The following IFT74 variants were observed in gnomAD, a reference collection of about 807,000 sequenced individuals.
IFT74 encodes the protein intraflagellar transport protein 74 homolog.
IFT74 carries 92 observed loss-of-function variants against 96.7 expected under a neutral mutation model. The observed-to-expected ratio is 0.95, with a 90% confidence interval of 0.80 to 1.13. IFT74 has a LOEUF of 1.13. IFT74 is among the 50% of genes most tolerant of loss of function. The probability of loss-of-function intolerance (pLI) is 0.00; values close to 1 mark genes in which losing one functional copy is unlikely to be tolerated. For synonymous variants in IFT74, 223 were observed against 213.2 expected, an observed-to-expected ratio of 1.05 and a Z score of -0.40; for missense variants, 811 against 698.2, an observed-to-expected ratio of 1.16 and a Z score of -1.82.
At chr9:26,977,850 C>A (rs1443929041) in intron 2 of IFT74, among the ~76,000 whole-genome samples, 1 of 152,028 alleles carries the variant, frequency 6.6e-6, no homozygotes, top group African/African-American at 2.4e-5. Flanking sequence ...ACATTTAACT[C>A]CTTTCCAGTT....
chr9:26,955,447 C>T (rs1453886777), upstream of IFT74, among the ~76,000 whole-genome samples: 1 of 152,146 alleles, frequency 6.6e-6, no homozygotes, highest in Non-Finnish European at 1.5e-5. Flanking sequence ...AGCAATAATA[C>T]TCATGTCCCA....
chr9:27,032,758 C>T (rs1563989928), intron 13 of IFT74, among the ~76,000 whole-genome samples: 1 of 151,786 alleles, frequency 6.6e-6, no homozygotes, highest in Non-Finnish European at 1.5e-5. Flanking sequence ...CCCAGCTACT[C>T]AGGAGGCTGA....
At chr9:26,976,004 A>G (rs1448793216) in intron 2 of IFT74, among the ~76,000 whole-genome samples, 1 of 152,214 alleles carries the variant, frequency 6.6e-6, no homozygotes, top group African/African-American at 2.4e-5. Context: ...TTATCCTCCA[A>G]GATACCCTGA....
chr9:26,972,991 C>T (rs1407814819), intron 2 of IFT74, among the ~76,000 whole-genome samples: 5 of 152,114 alleles, frequency 3.3e-5, no homozygotes, highest in African/African-American at 9.7e-5. Flanking sequence ...TTCTGATACT[C>T]GTTCTAGAAT....
chr9:27,053,304 G>A (rs1051901000), intron 16 of IFT74, among the ~76,000 whole-genome samples: 3 of 151,794 alleles, frequency 2.0e-5, no homozygotes, highest in Non-Finnish European at 4.4e-5. Flanking sequence ...AAAATTTCAG[G>A]GGAGGGAGGT....
chr9:27,018,022 A>G (rs12337896), intron 11 of IFT74, among the ~76,000 whole-genome samples: 48,742 of 152,012 alleles, frequency 0.32, 9,216 homozygotes, highest in East Asian at 0.71. Flanking sequence ...AATCATTTCA[A>G]AAAGGTATTA....
chr9:26,952,397 C>T (rs1184825584), upstream of IFT74, among the ~76,000 whole-genome samples: 1 of 151,934 alleles, frequency 6.6e-6, no homozygotes, highest in Non-Finnish European at 1.5e-5. Context: ...CTGCTTCAGC[C>T]TCCCGAGTAG....
At position 26,984,510 on chromosome 9, in the gene IFT74, T is replaced by C. The variant is rs1018874561; in HGVS notation, c.416T>C (p.Leu139Ser). ...TTTTATGCTTTCAGGGCTGAGACTT[T>C]AGCTGTTGAGATAAAAGAGCTTCAA... is the stretch of plus-strand genomic sequence containing the variant. ...YLSYEKRAET[L>S]AVEIKELQGQ... Residue 139 changes from leucine to serine, a missense_variant, in exon 6 of 20, where the codon TTA (leucine) becomes TCA (serine). Leu to Ser is a moderately radical substitution (Grantham distance 145). Coordinates refer to ENST00000380062, the MANE Select transcript of IFT74 (RefSeq NM_025103.4). The C allele has an allele frequency of 3.1e-6, 5 of 1,612,254 alleles. No homozygotes were observed. The Admixed American group carries it at 8.3e-5, about 27-fold the overall frequency.
rs769485039 is a variant in IFT74 at position 26,978,262 on chromosome 9, A to G, written c.255A>G (p.Lys85=). Reference sequence around the variant, plus strand: ...TGACTGGAATGAAAACTGGGACGAAAGGTACCTATTTTAAGATAAGTATGA... The same window carrying G: ...TGACTGGAATGAAAACTGGGACGAAGGGTACCTATTTTAAGATAAGTATGA... ...QGLTGMKTGT[K]GPQRQILDKS... Residue 85 remains lysine (K), a splice_region_variant and synonymous_variant, in exon 3 of 20, where the codon AAA becomes AAG. Transcript: ENST00000380062. 6.2e-7 allele frequency: 1 copy of G among 1,612,630 alleles called. No individual in the cohort carries two copies. The highest frequency in any genetic ancestry group is 1.1e-5 in the South Asian group (1 of 90,744).
rs536829045 is a variant in IFT74, at chr9:26,987,782, T to A, written c.466-887T>A. 2.0e-5 allele frequency among the ~76,000 whole-genome samples: 3 copies of A among 152,370 alleles called. No homozygotes were observed. In the East Asian group the frequency reaches 5.8e-4, roughly 29 times the overall value. On this transcript the variant is annotated intron_variant, in intron 6 of 19. Coordinates refer to ENST00000380062, the MANE Select transcript of IFT74 (RefSeq NM_025103.4). The stretch of plus-strand genomic sequence containing the variant: ...TGAGTTAACACATATGTAATAGTGT[T>A]TGACACTAGGTAAATATCCTATGTT...
Position 27,065,443 on chromosome 9 carries a change from G to C in IFT74, c.*2707G>C, listed in dbSNP as rs1820578019. Among the ~76,000 whole-genome samples the C allele has an allele frequency of 6.6e-6, 1 of 152,192 alleles. No homozygotes were observed. Among genetic ancestry groups the C allele is most frequent in the Non-Finnish European group, 1.5e-5 (1 of 68,032 alleles). The stretch of plus-strand genomic sequence containing the variant: ...GTCACATGGAAAGAAGCTGCAGACT[G>C]AACAAACATGCTGAGCAGTTTTACT... On this transcript the variant is annotated 3_prime_UTR_variant, in exon 20 of 20. Transcript: ENST00000380062.
At position 27,055,681 on chromosome 9, in the gene IFT74, C is replaced by T. The variant is rs200317297; in HGVS notation, c.1406C>T (p.Ser469Phe). Residue 469 changes from serine (S) to phenylalanine (F), a missense_variant, in exon 17 of 20, where the codon TCT becomes TTT. Transcript: ENST00000380062. ...LESKMTEEQH[S>F]LKSKIKQMTT... ...AGTAAGATGACTGAAGAACAGCATT[C>T]TCTAAAAAGCAAAATTAAGCAAATG... is the stretch of plus-strand genomic sequence containing the variant. 2 of 1,592,138 alleles carry T rather than the reference C, an allele frequency of 1.3e-6. No homozygotes were observed. Among genetic ancestry groups the T allele is most frequent in the Non-Finnish European group, 1.7e-6 (2 of 1,171,578 alleles).
chr9:26,961,864 G>A (rs995297913), intron 1 of IFT74, 85 bp from the exon 2 acceptor site: 7 of 1,417,304 alleles, frequency 4.9e-6, no homozygotes, highest in Non-Finnish European at 6.8e-6. Flanking sequence ...CAATTGTTGT[G>A]AATTAAATGT....
intron 9 of IFT74, among the ~76,000 whole-genome samples, chr9:27,009,903 A>G (rs564298323): frequency 1.2e-4 from 19 of 152,266 alleles, no homozygotes; most frequent in African/African-American, 4.3e-4. Context: ...GCAATGTATA[A>G]TGATCAAATC....
intron 8 of IFT74, among the ~76,000 whole-genome samples, chr9:27,005,414 C>T (rs1828723941): frequency 8.4e-6 from 1 of 119,388 alleles, no homozygotes; most frequent in Non-Finnish European, 1.6e-5. Flanking sequence ...TTAGGAAAGA[C>T]CCTTTGGCCA....
intron 2 of IFT74, among the ~76,000 whole-genome samples, chr9:26,964,629 A>C (rs566631661): frequency 2.0e-5 from 3 of 152,214 alleles, no homozygotes; most frequent in African/African-American, 7.2e-5. Flanking sequence ...TGTAAACTTT[A>C]CTAATTTTTA....
Position 27,047,281 on chromosome 9 carries a change from T to C in IFT74, c.1116T>C (p.Ile372=). The C allele has an allele frequency of 6.2e-7, 1 of 1,607,264 alleles. No homozygotes were observed. The highest frequency in any genetic ancestry group is 1.1e-5 in the South Asian group (1 of 90,792). The change falls in exon 15 of 20, where the codon ATT becomes ATC. Residue 372 remains isoleucine, a synonymous_variant. Coordinates refer to ENST00000380062, the MANE Select transcript of IFT74 (RefSeq NM_025103.4). ...ATGTTTTCCAATTGTCAGCTTTTAT[T>C]GAGACTTTTGAGGAAACAAAGAATC... ...KKREEHMDTF[I]ETFEETKNQE...
At position 27,047,310 on chromosome 9, in the gene IFT74, A is replaced by C; in HGVS notation, c.1145A>C (p.Glu382Ala). The change falls in exon 15 of 20, where the codon GAA (glutamate) becomes GCA (alanine). Residue 382 changes from glutamate (E) to alanine (A), a missense_variant. Coordinates refer to ENST00000380062, the MANE Select transcript of IFT74 (RefSeq NM_025103.4). Reference protein sequence around the residue: ...IETFEETKNQELKRKAQIEAN... With the variant: ...IETFEETKNQALKRKAQIEAN... The stretch of plus-strand genomic sequence containing the variant: ...ACTTTTGAGGAAACAAAGAATCAGG[A>C]ACTGAAACGAAAGGCACAGATAGAA... The C allele has an allele frequency of 6.2e-7, 1 of 1,613,382 alleles. No homozygotes were observed. Among genetic ancestry groups the C allele is most frequent in the South Asian group, 1.1e-5 (1 of 91,032 alleles).
At chr9:27,010,591 G>A (rs1232652400) in intron 9 of IFT74, among the ~76,000 whole-genome samples, 1 of 150,420 alleles carries the variant, frequency 6.6e-6, no homozygotes, top group Non-Finnish European at 1.5e-5. Flanking sequence ...CCAGGTTCAT[G>A]CCATGCTCCT....
Sources: allele counts gnomAD v4.1 joint callset (sites outside exome capture counted in the v4.1 genomes callset), GRCh38; gene constraint gnomAD v4.1.1; transcripts MANE v1.5; gene names NCBI Gene and HGNC (gene_info 2026-07-23, HGNC 2026-07-21).